The following SLC9C1 variants were observed in gnomAD, a reference collection of about 807,000 sequenced individuals.
SLC9C1 encodes sodium/hydrogen exchanger 10.
Under a neutral mutation model 140.9 loss-of-function variants are expected in SLC9C1, and 97 were observed. The ratio of observed to expected loss-of-function variants is 0.69; its 90% CI spans 0.58 to 0.82. SLC9C1 has a LOEUF of 0.82. Ranked by LOEUF, SLC9C1 falls within the 40% of genes least tolerant of loss-of-function variation. The probability of loss-of-function intolerance (pLI) is 0.00; values close to 1 mark genes in which losing one functional copy is unlikely to be tolerated. For synonymous variants in SLC9C1, 440 were observed against 442.6 expected, an observed-to-expected ratio of 0.99 and a Z score of 0.07; for missense variants, 1,340 against 1,389.3, an observed-to-expected ratio of 0.96 and a Z score of 0.56.
Position 112,266,293 on chromosome 3 carries a change from G to A in SLC9C1, c.823C>T (p.Leu275Phe). The change falls in exon 8 of 29, where the codon CTT becomes TTT. Residue 275 changes from leucine (L) to phenylalanine (F), a missense_variant. Coordinates refer to ENST00000305815, the MANE Select transcript of SLC9C1 (RefSeq NM_183061.3). ...TTAAAACTTGTAGAATTTAAAAGAA[G>A]TCCCACAATGGCCAGAGTAAATATT... Reference protein sequence around the residue: ...SGIFTLAIVGLLLNSTSFKAA... With the variant: ...SGIFTLAIVGFLLNSTSFKAA... 1 of 1,611,036 alleles carries A rather than the reference G, an allele frequency of 6.2e-7. No homozygotes were observed. Among genetic ancestry groups the A allele is most frequent in the Non-Finnish European group, 8.5e-7 (1 of 1,178,924 alleles).
At chr3:112,217,700 A>C (rs986274022) in intron 14 of SLC9C1, 139 bp from the exon 15 acceptor site, 4 of 676,380 alleles carry the variant, frequency 5.9e-6, no homozygotes, top group Middle Eastern at 4.4e-4. Context: ...TGGTTGGATT[A>C]AGACATTTTC....
Position 112,282,737 on chromosome 3 carries a change from G to C in SLC9C1, c.89-1954C>G, listed in dbSNP as rs1488717088. 1.3e-5 allele frequency among the ~76,000 whole-genome samples: 2 copies of C among 152,064 alleles called. 1 individual carries two copies. The highest frequency in any genetic ancestry group is 2.9e-5 in the Non-Finnish European group (2 of 68,000). On this transcript the variant is annotated intron_variant, in intron 2 of 28. Transcript: ENST00000305815. ...TTCTTTCGGATGGACTAAATAGCTG[G>C]TATCATCCCTTAGAAAAGTGTCTTG...
At chr3:112,191,719 T>G (rs538459710) in intron 20 of SLC9C1, among the ~76,000 whole-genome samples, 1 of 152,288 alleles carries the variant, frequency 6.6e-6, no homozygotes, top group East Asian at 1.9e-4. Context: ...TTGGAAGTAT[T>G]CCTTCTTTGC....
At chr3:112,159,890 C>A (rs2075241720) in intron 26 of SLC9C1, among the ~76,000 whole-genome samples, 1 of 151,898 alleles carries the variant, frequency 6.6e-6, no homozygotes, top group Admixed American at 6.6e-5. Flanking sequence ...TACTCTTCCT[C>A]TTTTGGTTTC....
intron 2 of SLC9C1, 97 bp from the exon 3 acceptor site, chr3:112,280,880 A>G (rs1344660107): frequency 2.6e-6 from 2 of 778,720 alleles, no homozygotes; most frequent in East Asian, 7.2e-5. Flanking sequence ...AATGTCTTAC[A>G]GTTTCACTAC....
intron 28 of SLC9C1, among the ~76,000 whole-genome samples, chr3:112,150,584 T>C (rs1446829876): frequency 6.6e-6 from 1 of 151,934 alleles, no homozygotes; most frequent in Non-Finnish European, 1.5e-5. Flanking sequence ...TTATGCACTA[T>C]CTTGCTACTT....
intron 8 of SLC9C1, among the ~76,000 whole-genome samples, chr3:112,265,206 C>T (rs1039801707): frequency 6.6e-6 from 1 of 151,830 alleles, no homozygotes; most frequent in Non-Finnish European, 1.5e-5. Flanking sequence ...GTACTAGGAA[C>T]GCAGGCAAGA....
intron 10 of SLC9C1, among the ~76,000 whole-genome samples, chr3:112,257,972 G>A (rs778260182): frequency 2.0e-5 from 3 of 152,118 alleles, no homozygotes; most frequent in Non-Finnish European, 2.9e-5. Flanking sequence ...TTAGAGTAAT[G>A]CAAATCAAAA....
intron 12 of SLC9C1, among the ~76,000 whole-genome samples, chr3:112,232,332 A>G (rs2078850634): frequency 6.6e-6 from 1 of 152,210 alleles, no homozygotes. Flanking sequence ...AAAAATCTTC[A>G]GAGAGTAGGT....
At chr3:112,221,752 A>G (rs1326640662) in intron 13 of SLC9C1, among the ~76,000 whole-genome samples, 1 of 152,040 alleles carries the variant, frequency 6.6e-6, no homozygotes, top group African/African-American at 2.4e-5. Context: ...GATTGCTACT[A>G]TTTGGCAGAA....
At chr3:112,162,599 C>A (rs1235014449) in intron 26 of SLC9C1, among the ~76,000 whole-genome samples, 1 of 152,166 alleles carries the variant, frequency 6.6e-6, no homozygotes. Flanking sequence ...ATTGAACCAG[C>A]CTTGCATCCC....
chr3:112,286,378 A>G (rs1473387674), intron 2 of SLC9C1, among the ~76,000 whole-genome samples: 1 of 152,138 alleles, frequency 6.6e-6, no homozygotes, highest in Non-Finnish European at 1.5e-5. Context: ...GACAAAACCT[A>G]TGGGACACCC....
chr3:112,218,813 C>A (rs1489018618), intron 14 of SLC9C1, among the ~76,000 whole-genome samples: 4 of 152,120 alleles, frequency 2.6e-5, no homozygotes, highest in Non-Finnish European at 5.9e-5. Flanking sequence ...TGACACTTTG[C>A]AGCACAAATT....
chr3:112,290,590 A>C (rs1288976784), intron 1 of SLC9C1, among the ~76,000 whole-genome samples: 1 of 152,118 alleles, frequency 6.6e-6, no homozygotes, highest in Non-Finnish European at 1.5e-5. Flanking sequence ...TGCTGAGTTT[A>C]GGTCCTGAAT....
intron 12 of SLC9C1, among the ~76,000 whole-genome samples, chr3:112,233,327 A>G (rs1195306738): frequency 6.6e-6 from 1 of 152,106 alleles, no homozygotes; most frequent in Non-Finnish European, 1.5e-5. Context: ...TTGGCTTCCC[A>G]AAGTGTTAAG....
chr3:112,232,022 T>C (rs1185951314), intron 12 of SLC9C1, among the ~76,000 whole-genome samples: 1 of 152,186 alleles, frequency 6.6e-6, no homozygotes, highest in African/African-American at 2.4e-5. Context: ...GTATGAATAA[T>C]TTACAGATGA....
intron 26 of SLC9C1, among the ~76,000 whole-genome samples, chr3:112,165,567 G>A (rs1267307833): frequency 6.6e-6 from 1 of 152,172 alleles, no homozygotes; most frequent in Non-Finnish European, 1.5e-5. Context: ...TATCAGCAGT[G>A]GAGGCTGCAC....
chr3:112,210,865 C>A (rs1320313805), intron 15 of SLC9C1, among the ~76,000 whole-genome samples: 1 of 152,026 alleles, frequency 6.6e-6, no homozygotes, highest in African/African-American at 2.4e-5. Context: ...AGGAAAAAAA[C>A]CCTTTATTTT....
At chr3:112,160,626 T>G (rs1017900036) in intron 26 of SLC9C1, among the ~76,000 whole-genome samples, 2 of 151,694 alleles carry the variant, frequency 1.3e-5, no homozygotes, top group Admixed American at 1.3e-4. Flanking sequence ...TGCATAGTAT[T>G]CCATGGTGTA....
Sources: allele counts gnomAD v4.1 joint callset (sites outside exome capture counted in the v4.1 genomes callset), GRCh38; gene constraint gnomAD v4.1.1; transcripts MANE v1.5; gene names NCBI Gene and HGNC (gene_info 2026-07-23, HGNC 2026-07-21).